The following HEATR3 variants were observed in gnomAD, a reference collection of about 807,000 sequenced individuals.
HEATR3 encodes the protein HEAT repeat containing 3.
A neutral mutation model predicts 72.8 loss-of-function variants in HEATR3; 56 were observed. That is an observed-to-expected ratio of 0.77 (90% CI 0.62 to 0.96). The LOEUF (loss-of-function observed/expected upper bound fraction) is 0.96. Among genes scored for constraint, HEATR3 ranks in the 40% least tolerant of loss-of-function variants. The pLI is 0.00. For synonymous variants in HEATR3, 331 were observed against 318.1 expected, an observed-to-expected ratio of 1.04 and a Z score of -0.43; for missense variants, 747 against 831.4, an observed-to-expected ratio of 0.90 and a Z score of 1.25.
rs764802709 is a variant in HEATR3 at position 50,086,386 on chromosome 16, G to A, written c.1510+35G>A. 1.0e-5 allele frequency: 16 copies of A among 1,578,402 alleles called. No individual in the cohort carries two copies. The African/African-American group carries it at 1.1e-4, about 11-fold the overall frequency. ...CTTTATTGCGAAAGACTACGCAGAC[G>A]GAACAGAATTTTGAAGGGGCAGGAA... On this transcript the variant is annotated intron_variant, in intron 11 of 14. Coordinates refer to ENST00000299192, the MANE Select transcript of HEATR3 (RefSeq NM_182922.4).
intron 6 of HEATR3, among the ~76,000 whole-genome samples, chr16:50,078,218 T>C (rs1348421580): frequency 1.3e-5 from 2 of 152,136 alleles, no homozygotes; most frequent in Non-Finnish European, 2.9e-5. Flanking sequence ...TCAGTTCTTT[T>C]GGGTTTATAG....
Position 50,084,167 on chromosome 16 carries a change from G to T in HEATR3, c.1166G>T (p.Ser389Ile), listed in dbSNP as rs2036934697. 1 of 1,614,060 alleles carries T rather than the reference G, an allele frequency of 6.2e-7. No individual in the cohort carries two copies. The highest frequency in any genetic ancestry group is 8.5e-7 in the Non-Finnish European group (1 of 1,180,044). The change falls in exon 9 of 15, where the codon AGC becomes ATC. Residue 389 changes from serine (S) to isoleucine (I), a missense_variant. By Grantham distance (142) the Ser-to-Ile change is moderately radical. This residue lies in a region of HEATR3 where 586 missense variants were observed against 708.8 expected (regional missense o/e 0.83). Transcript: ENST00000299192. ...PSDDEWEELSSSDESDAFMEN... is the reference protein window; with the variant it reads ...PSDDEWEELSISDESDAFMEN... ...GATGACGAATGGGAAGAGCTTTCTA[G>T]CAGTGATGAAAGTGACGCATTTATG...
Position 50,066,359 on chromosome 16 carries a change from A to G in HEATR3, c.139-8A>G, listed in dbSNP as rs974845861. On this transcript the variant is annotated splice_polypyrimidine_tract_variant and splice_region_variant and intron_variant, in intron 1 of 14. Coordinates refer to ENST00000299192, the MANE Select transcript of HEATR3 (RefSeq NM_182922.4). ...GCGCCTTCTGACCCTTTTCGCTCTCATCCGCAGCTCCAGCACCCGAGCGCC... is the reference window on the plus strand; with the variant it reads ...GCGCCTTCTGACCCTTTTCGCTCTCGTCCGCAGCTCCAGCACCCGAGCGCC... 3.9e-6 allele frequency: 6 copies of G among 1,554,274 alleles called. No homozygotes were observed. The highest frequency in any genetic ancestry group is 2.4e-5 in the East Asian group (1 of 40,928).
At chr16:50,073,715 ACAAGAAAAAT>A (rs2036662436) in intron 5 of HEATR3, 1 of 152,208 alleles carries the variant, frequency 6.6e-6, no homozygotes, top group Admixed American at 6.5e-5. Flanking sequence ...CATATCTTTT[ACAAGAAAAAT>A]CACTTCTATT....
chr16:50,069,690 G>A (rs893687643), intron 3 of HEATR3, among the ~76,000 whole-genome samples: 5 of 152,166 alleles, frequency 3.3e-5, no homozygotes, highest in African/African-American at 7.2e-5. Flanking sequence ...CTGCTTTAGA[G>A]GGTCTCCTGG....
intron 5 of HEATR3, among the ~76,000 whole-genome samples, 196 bp from the exon 6 acceptor site, chr16:50,075,375 T>C (rs2036702276): frequency 6.7e-6 from 1 of 149,364 alleles, no homozygotes; most frequent in African/African-American, 2.5e-5. Context: ...AAAAGAAACA[T>C]GATCTTTTCC....
At chr16:50,069,488 T>C (rs933892972) in intron 3 of HEATR3, among the ~76,000 whole-genome samples, 2 of 152,210 alleles carry the variant, frequency 1.3e-5, no homozygotes, top group Admixed American at 6.5e-5. Flanking sequence ...GGGTATGATC[T>C]TGCTTCACAG....
chr16:50,066,452 T>G lies in HEATR3; in HGVS notation c.224T>G (p.Leu75Arg). The G allele has an allele frequency of 7.2e-7, 1 of 1,383,408 alleles. No homozygotes were observed. Among genetic ancestry groups the G allele is most frequent in the Non-Finnish European group, 9.3e-7 (1 of 1,076,760 alleles). The allele number at this position is 1,383,408 out of a possible 1,614,324, so 85.7% of individuals were successfully genotyped here. ...CAGCAGCGGCCGGCACTCCCGGGCCTGGCGCGACGAGACGCCGTGCGCCGC... is the reference window on the plus strand; with the variant it reads ...CAGCAGCGGCCGGCACTCCCGGGCCGGGCGCGACGAGACGCCGTGCGCCGC... ...LVQQRPALPG[L>R]ARRDAVRRLG... The change falls in exon 2 of 15, where the codon CTG (leucine) becomes CGG (arginine). Residue 75 changes from leucine to arginine, a missense_variant. By Grantham distance (102) the Leu-to-Arg change is moderately radical. Around this residue, in one of 2 missense-constraint regions of HEATR3, gnomAD observed 161 missense variants for 122.6 expected, o/e 1.31. Coordinates refer to ENST00000299192, the MANE Select transcript of HEATR3 (RefSeq NM_182922.4).
intron 12 of HEATR3, among the ~76,000 whole-genome samples, chr16:50,095,781 A>G (rs1347834948): frequency 6.6e-6 from 1 of 152,104 alleles, no homozygotes; most frequent in Admixed American, 6.6e-5. Context: ...GGTTTCATTC[A>G]TCTCACTGGG....
chr16:50,072,474 TA>T, intron 4 of HEATR3, 130 bp from the exon 5 acceptor site: 1 of 622,344 alleles, frequency 1.6e-6, no homozygotes, highest in Non-Finnish European at 2.9e-6. Flanking sequence ...CCTTCATCGA[TA>T]AAAATGGTGG....
At chr16:50,087,037 G>A (rs1218397575) in intron 11 of HEATR3, among the ~76,000 whole-genome samples, 1 of 152,150 alleles carries the variant, frequency 6.6e-6, no homozygotes, top group Non-Finnish European at 1.5e-5. Context: ...AAAGTTATTA[G>A]AGGACAGAAA....
At chr16:50,067,961 G>A (rs1179313878) in intron 2 of HEATR3, among the ~76,000 whole-genome samples, 1 of 152,130 alleles carries the variant, frequency 6.6e-6, no homozygotes, top group Non-Finnish European at 1.5e-5. Context: ...GCTAAAAGAG[G>A]GTACAAACAA....
chr16:50,066,822 C>T, intron 2 of HEATR3: 2 of 351,506 alleles, frequency 5.7e-6, no homozygotes, highest in East Asian at 4.3e-5. Flanking sequence ...TCCTTAGGGT[C>T]CCTTGCTTGG....
At chr16:50,072,857 G>T in intron 5 of HEATR3, 143 bp downstream of exon 5, 3 of 625,632 alleles carry the variant, frequency 4.8e-6, no homozygotes, top group South Asian at 1.9e-5. Context: ...GTTTTTTCTG[G>T]GTCTTAAATC....
In HEATR3 at chr16:50,070,164, A is replaced by G. The variant is rs563486895; in HGVS notation, c.400-14A>G. On this transcript the variant is annotated splice_polypyrimidine_tract_variant and intron_variant, in intron 3 of 14. Transcript: ENST00000299192. ...CTTAGGAACCAGGGTGCTAATCATG[A>G]TATTTGGTTACAGTGTAGTGCTGGA... 1 of 1,358,150 alleles carries G rather than the reference A, an allele frequency of 7.4e-7. No homozygotes were observed. Among genetic ancestry groups the G allele is most frequent in the Non-Finnish European group, 1.0e-6 (1 of 960,548 alleles). The allele number at this position is 1,358,150 out of a possible 1,614,324, so 84.1% of individuals were successfully genotyped here. A position where few individuals can be genotyped will look rare whatever the true frequency, so the allele number is the denominator to read the frequency against.
chr16:50,100,068 G>C (rs1407888498), intron 12 of HEATR3, among the ~76,000 whole-genome samples, 162 bp from the exon 13 acceptor site: 1 of 143,306 alleles, frequency 7.0e-6, no homozygotes, highest in Non-Finnish European at 1.5e-5. Flanking sequence ...CTCTGTCTGG[G>C]AGAACTGGAA....
intron 4 of HEATR3, 21 bp from the exon 5 acceptor site, chr16:50,072,584 T>G (rs1404245785): frequency 6.7e-7 from 1 of 1,500,826 alleles, no homozygotes; most frequent in African/African-American, 1.4e-5. Flanking sequence ...AGTAAAACTT[T>G]TTTTTCCCCC....
chr16:50,074,849 G>T (rs926971983), intron 5 of HEATR3: 12 of 152,034 alleles, frequency 7.9e-5, no homozygotes, highest in Admixed American at 7.2e-4. Context: ...AAGCATGGTG[G>T]CGGGTGCCTG....
intron 6 of HEATR3, among the ~76,000 whole-genome samples, chr16:50,077,777 A>G (rs1351603168): frequency 6.6e-6 from 1 of 151,538 alleles, no homozygotes; most frequent in Non-Finnish European, 1.5e-5. Flanking sequence ...CCTTGTAGGT[A>G]TTATACCACA....
Sources: allele counts gnomAD v4.1 joint callset (sites outside exome capture counted in the v4.1 genomes callset), GRCh38; gene constraint gnomAD v4.1.1; regional missense constraint gnomAD v4.1.1; transcripts MANE v1.5; gene names NCBI Gene and HGNC (gene_info 2026-07-23, HGNC 2026-07-21).